CDC14B: variants seen among roughly 807,000 people sequenced by gnomAD.
CDC14B encodes the protein dual specificity protein phosphatase CDC14B.
CDC14B carries 22 observed loss-of-function variants against 64.2 expected under a neutral mutation model. The observed-to-expected ratio is 0.34, with a 90% CI of 0.24 to 0.49. The LOEUF (loss-of-function observed/expected upper bound fraction) is 0.49. Among genes scored for constraint, CDC14B ranks in the 20% least tolerant of loss-of-function variants. The pLI is 0.99. For missense variants in CDC14B, 498 were observed against 629.9 expected (o/e 0.79, Z 2.24); for synonymous variants, 191 against 215.8 (o/e 0.89, Z 1.01).
rs770181711 is a variant in CDC14B, at chr9:96,555,004, C to CTA, written c.421-3134_421-3133dup. Among the ~76,000 whole-genome samples, 5 of 152,184 alleles carry CTA rather than the reference C, an allele frequency of 3.3e-5. No individual in the cohort carries two copies. In the South Asian group the frequency reaches 1.0e-3, roughly 32 times the overall value. On this transcript the variant is annotated intron_variant, in intron 4 of 13. Transcript: ENST00000375241. ...TCTTTTGATATATTTTCATGAGAAG[C>CTA]TATATATATAGAATGCCCACTCTAA... is the stretch of plus-strand genomic sequence containing the variant.
intron 12 of CDC14B, among the ~76,000 whole-genome samples, chr9:96,510,725 C>T (rs1441892892): frequency 6.6e-6 from 1 of 151,892 alleles, no homozygotes; most frequent in African/African-American, 2.4e-5. Context: ...CCTGCCTCAG[C>T]CTCCTGAGTA....
chr9:96,506,811 A>T (rs1332284603), intron 13 of CDC14B, among the ~76,000 whole-genome samples: 1 of 152,210 alleles, frequency 6.6e-6, no homozygotes, highest in Non-Finnish European at 1.5e-5. Context: ...TACTAGAGTG[A>T]CATGAAAACG....
chr9:96,565,281 C>A, intron 2 of CDC14B, 112 bp downstream of exon 2: 2 of 641,182 alleles, frequency 3.1e-6, no homozygotes, highest in Admixed American at 3.2e-5. Context: ...AACAAGCATC[C>A]TGTAATTAGC....
chr9:96,598,658 A>C (rs570221469), intron 1 of CDC14B, among the ~76,000 whole-genome samples: 2 of 152,248 alleles, frequency 1.3e-5, no homozygotes, highest in East Asian at 3.9e-4. Flanking sequence ...ATTAAAAAAA[A>C]CTATTCTCAT....
intron 12 of CDC14B, among the ~76,000 whole-genome samples, chr9:96,510,587 CA>C (rs1180730102): frequency 6.6e-6 from 1 of 150,392 alleles, no homozygotes; most frequent in East Asian, 1.9e-4. Context: ...CAGAAGACAT[CA>C]AAAGATTTTA....
At chr9:96,605,889 A>C (rs1846879931) in intron 1 of CDC14B, among the ~76,000 whole-genome samples, 1 of 152,074 alleles carries the variant, frequency 6.6e-6, no homozygotes, top group Admixed American at 6.6e-5. Flanking sequence ...TTTCAAAGAC[A>C]AATAGTTACA....
At position 96,574,697 on chromosome 9, in the gene CDC14B, C is replaced by CAAAAAAAAAAAAAA. The variant is rs57056796; in HGVS notation, c.161-9228_161-9215dup. ...GCAACAAGAGCGAAACTCGGTCTCA[C>CAAAAAAAAAAAAAA]AAAAAAAAAAAAAAAAAAAAAAGAT... On this transcript the variant is annotated intron_variant, in intron 1 of 13. Coordinates refer to ENST00000375241, the MANE Select transcript of CDC14B (RefSeq NM_033331.4). Among the ~76,000 whole-genome samples, 216 of 49,948 alleles carry CAAAAAAAAAAAAAA rather than the reference C, an allele frequency of 4.3e-3. 40 individuals carry two copies. The highest frequency in any genetic ancestry group is 0.017 in the African/African-American group (203 of 11,920). The allele number at this position is 49,948 out of a possible 152,430, so 32.8% of individuals were successfully genotyped here.
At chr9:96,557,979 C>T (rs553765634) in intron 4 of CDC14B, among the ~76,000 whole-genome samples, 25 of 152,290 alleles carry the variant, frequency 1.6e-4, no homozygotes, top group Non-Finnish European at 2.5e-4. Flanking sequence ...GTACATTTAA[C>T]CCATAGAAGA....
chr9:96,589,211 C>T (rs1393786661), intron 1 of CDC14B, among the ~76,000 whole-genome samples: 11 of 151,948 alleles, frequency 7.2e-5, no homozygotes. Flanking sequence ...TGGTGGCATG[C>T]GCCTGTAATC....
chr9:96,560,292 A>G (rs1261008105), intron 4 of CDC14B, among the ~76,000 whole-genome samples: 1 of 152,188 alleles, frequency 6.6e-6, no homozygotes, highest in Non-Finnish European at 1.5e-5. Context: ...ATGGAACTTC[A>G]GCCATCCAGA....
chr9:96,542,733 G>A (rs146733662), intron 5 of CDC14B, among the ~76,000 whole-genome samples: 21 of 152,062 alleles, frequency 1.4e-4, no homozygotes, highest in Non-Finnish European at 2.2e-4. Flanking sequence ...GGCCTCTGCC[G>A]GGCGCAGTGG....
chr9:96,563,803 G>A (rs1185307786), intron 3 of CDC14B, among the ~76,000 whole-genome samples: 1 of 152,044 alleles, frequency 6.6e-6, no homozygotes, highest in Non-Finnish European at 1.5e-5. Flanking sequence ...GAGGAAGAGA[G>A]AATTATTTTT....
chr9:96,614,487 C>G (rs1010576182), intron 1 of CDC14B, among the ~76,000 whole-genome samples: 1 of 151,968 alleles, frequency 6.6e-6, no homozygotes, highest in East Asian at 1.9e-4. Flanking sequence ...CCAGCCTAAT[C>G]AGAAATTTTA....
intron 5 of CDC14B, among the ~76,000 whole-genome samples, chr9:96,545,304 C>T (rs1381664387): frequency 1.3e-5 from 2 of 151,136 alleles, no homozygotes; most frequent in Admixed American, 1.3e-4. Context: ...ACCATGTCTT[C>T]TCTGTGAAGG....
chr9:96,521,195 G>C (rs764341286), intron 12 of CDC14B, among the ~76,000 whole-genome samples: 2 of 151,906 alleles, frequency 1.3e-5, no homozygotes, highest in East Asian at 1.9e-4. Flanking sequence ...TCACCCTCCC[G>C]AGTAGCTGGG....
intron 13 of CDC14B, among the ~76,000 whole-genome samples, chr9:96,493,685 G>T (rs1032385397): frequency 6.6e-6 from 1 of 151,998 alleles, no homozygotes; most frequent in African/African-American, 2.4e-5. Context: ...TTAAAATTAG[G>T]TGGGTGGCAC....
intron 1 of CDC14B, among the ~76,000 whole-genome samples, chr9:96,576,889 G>A (rs1437089391): frequency 6.6e-6 from 1 of 152,088 alleles, no homozygotes; most frequent in African/African-American, 2.4e-5. Flanking sequence ...AGGTCACAAG[G>A]AGATCTCAAC....
chr9:96,547,992 A>AT (rs1366436443), intron 5 of CDC14B, among the ~76,000 whole-genome samples: 1 of 151,968 alleles, frequency 6.6e-6, no homozygotes, highest in Non-Finnish European at 1.5e-5. Flanking sequence ...CGCCTGGCTA[A>AT]TTTTTTGTAT....
At chr9:96,607,651 C>T (rs1847056753) in intron 1 of CDC14B, among the ~76,000 whole-genome samples, 1 of 152,078 alleles carries the variant, frequency 6.6e-6, no homozygotes, top group African/African-American at 2.4e-5. Flanking sequence ...TCTCGATCTC[C>T]TGACCTCGTG....
Sources: allele counts gnomAD v4.1 joint callset (sites outside exome capture counted in the v4.1 genomes callset), GRCh38; gene constraint gnomAD v4.1.1; transcripts MANE v1.5; gene names NCBI Gene and HGNC (gene_info 2026-07-23, HGNC 2026-07-21).